JAK1: variants seen among roughly 807,000 people sequenced by gnomAD.
JAK1 encodes the protein tyrosine-protein kinase JAK1.
Under a neutral mutation model 136.6 loss-of-function variants are expected in JAK1, and 16 were observed. The ratio of observed to expected loss-of-function variants is 0.12; its 90% CI spans 0.08 to 0.18. The LOEUF is 0.18. JAK1 is among the 10% of genes least tolerant of loss of function. The pLI, the probability that JAK1 is intolerant of heterozygous loss-of-function variation, is 1.00. For missense variants in JAK1, 859 were observed against 1,450.1 expected, an observed-to-expected ratio of 0.59 and a Z score of 6.62; for synonymous variants, 492 against 519.5, an observed-to-expected ratio of 0.95 and a Z score of 0.72.
At chr1:64,946,353 C>A (rs1449002703) in intron 1 of JAK1, among the ~76,000 whole-genome samples, 1 of 152,154 alleles carries the variant, frequency 6.6e-6, no homozygotes, top group South Asian at 2.1e-4. Flanking sequence ...TATAACCAAC[C>A]CCCTCTCTGC....
chr1:64,896,790 G>A (rs1018873859), intron 1 of JAK1, among the ~76,000 whole-genome samples: 1 of 152,186 alleles, frequency 6.6e-6, no homozygotes, highest in Non-Finnish European at 1.5e-5. Context: ...GGCTGGTGTA[G>A]TGAGTTTGAT....
chr1:65,060,941 T>A (rs1385774774), intron 1 of JAK1, among the ~76,000 whole-genome samples: 1 of 152,174 alleles, frequency 6.6e-6, no homozygotes, highest in African/African-American at 2.4e-5. Context: ...AACTGCATAC[T>A]AAGGAAGAGA....
intron 1 of JAK1, among the ~76,000 whole-genome samples, chr1:64,907,021 A>G (rs1469868941): frequency 6.6e-6 from 1 of 151,918 alleles, no homozygotes; most frequent in Non-Finnish European, 1.5e-5. Context: ...AAAAAAAAGA[A>G]TATTTATGGA....
At chr1:64,936,571 A>C (rs1645792783) in intron 1 of JAK1, among the ~76,000 whole-genome samples, 1 of 152,216 alleles carries the variant, frequency 6.6e-6, no homozygotes, top group Admixed American at 6.5e-5. Flanking sequence ...GACTTTCACA[A>C]GTATGACTGG....
intron 2 of JAK1, among the ~76,000 whole-genome samples, chr1:65,019,610 G>T (rs964652938): frequency 6.6e-6 from 1 of 152,060 alleles, no homozygotes; most frequent in Non-Finnish European, 1.5e-5. Context: ...GCAAAATAGC[G>T]AAGTTGCTAT....
intron 1 of JAK1, among the ~76,000 whole-genome samples, chr1:65,053,180 T>C (rs1055005772): frequency 3.5e-5 from 5 of 144,200 alleles, no homozygotes; most frequent in African/African-American, 7.8e-5. Flanking sequence ...ACCCCATCTC[T>C]AAGAAAAAAT....
At chr1:65,041,446 T>G (rs1232266934) in intron 2 of JAK1, among the ~76,000 whole-genome samples, 1 of 152,126 alleles carries the variant, frequency 6.6e-6, no homozygotes, top group Non-Finnish European at 1.5e-5. Flanking sequence ...GTTTTCTGTT[T>G]TAGATACTGT....
At chr1:64,843,967 T>C in intron 17 of JAK1, 97 bp downstream of exon 17, 1 of 1,409,474 alleles carries the variant, frequency 7.1e-7, no homozygotes, top group Non-Finnish European at 9.9e-7. Context: ...CCCATGCCCA[T>C]CTCTTCCCAC....
At chr1:64,925,914 T>C (rs756090665) in intron 1 of JAK1, among the ~76,000 whole-genome samples, 2 of 152,026 alleles carry the variant, frequency 1.3e-5, no homozygotes. Context: ...TCTGGAGGAG[T>C]GGGGTCATAA....
chr1:65,029,055 C>A (rs1036572994), intron 2 of JAK1, among the ~76,000 whole-genome samples: 4 of 151,960 alleles, frequency 2.6e-5, no homozygotes, highest in Non-Finnish European at 4.4e-5. Flanking sequence ...TTACCCAATC[C>A]AATGAGGATA....
In JAK1 at chr1:64,833,342, A is replaced by ACTT. The variant is rs1355854305; in HGVS notation, c.*1217_*1219dup. On this transcript the variant is annotated 3_prime_UTR_variant, in exon 25 of 25. Coordinates refer to ENST00000342505, the MANE Select transcript of JAK1 (RefSeq NM_002227.4). The stretch of plus-strand genomic sequence containing the variant: ...AGGCTATGAACAAATTTAAATGGCA[A>ACTT]CTTCATTGCTGCCACTGAACCAATC... 2 of 232,700 alleles carry ACTT rather than the reference A, an allele frequency of 8.6e-6. No homozygotes were observed. Among genetic ancestry groups the ACTT allele is most frequent in the South Asian group, 3.6e-4 (2 of 5,522 alleles). 14.4% of individuals were successfully genotyped at this position (232,700 alleles called of 1,614,324 possible).
At chr1:64,926,811 G>C (rs552131456) in intron 1 of JAK1, among the ~76,000 whole-genome samples, 20 of 152,278 alleles carry the variant, frequency 1.3e-4, no homozygotes, top group Admixed American at 1.2e-3. Flanking sequence ...GAAATCCTGG[G>C]TAAGTTATTT....
At chr1:64,929,777 A>G (rs969218767) in intron 1 of JAK1, among the ~76,000 whole-genome samples, 10 of 152,224 alleles carry the variant, frequency 6.6e-5, no homozygotes, top group African/African-American at 2.4e-4. Flanking sequence ...CCTGACTTCA[A>G]ACTATACTAC....
intron 12 of JAK1, among the ~76,000 whole-genome samples, chr1:64,850,051 C>CA (rs2101026327): frequency 6.6e-6 from 1 of 152,338 alleles, no homozygotes; most frequent in African/African-American, 2.4e-5. Flanking sequence ...GCTTCCGCCT[C>CA]ACCCTCCAAC....
intron 6 of JAK1, 58 bp from the exon 7 acceptor site, chr1:64,867,266 TTAGA>T: frequency 7.7e-7 from 1 of 1,293,602 alleles, no homozygotes; most frequent in Non-Finnish European, 1.1e-6. Context: ...AGAAAATAGT[TTAGA>T]AACAAATCTA....
chr1:65,062,619 A>G (rs1004195081), intron 1 of JAK1, among the ~76,000 whole-genome samples: 3 of 152,218 alleles, frequency 2.0e-5, no homozygotes, highest in Admixed American at 1.3e-4. Context: ...CATCTGTAAA[A>G]TGAACACATT....
intron 1 of JAK1, among the ~76,000 whole-genome samples, chr1:64,906,696 T>C (rs1557680906): frequency 6.6e-6 from 1 of 152,206 alleles, no homozygotes. Context: ...CTGCAGTGTA[T>C]GACAGACAAA....
intron 1 of JAK1, among the ~76,000 whole-genome samples, chr1:64,946,881 T>C (rs1278532211): frequency 6.6e-6 from 1 of 152,182 alleles, no homozygotes; most frequent in Non-Finnish European, 1.5e-5. Context: ...TATTCAGCCT[T>C]TAAAAGGAAG....
chr1:64,969,692 G>A (rs190610387), upstream of JAK1, among the ~76,000 whole-genome samples: 167 of 152,296 alleles, frequency 1.1e-3, no homozygotes, highest in Non-Finnish European at 2.0e-3. Flanking sequence ...TGACTGATTA[G>A]ATGTGGCTAC....
Sources: gnomAD v4.1 joint callset for allele counts (sites outside exome capture counted in the v4.1 genomes callset) on GRCh38, gnomAD v4.1.1 for gene constraint, MANE v1.5 for transcripts, NCBI Gene and HGNC (gene_info 2026-07-23, HGNC 2026-07-21) for gene names.